The following PRPSAP1 variants were observed in gnomAD, a reference collection of about 807,000 sequenced individuals.
PRPSAP1 encodes the protein phosphoribosyl pyrophosphate synthetase associated protein 1.
Under a neutral mutation model 39.4 loss-of-function variants are expected in PRPSAP1, and 31 were observed. The ratio of observed to expected loss-of-function variants is 0.79; its 90% CI spans 0.59 to 1.06. The LOEUF is 1.06. Ranked by LOEUF, PRPSAP1 falls within the 50% of genes least tolerant of loss-of-function variation. The pLI is 0.00. For missense variants in PRPSAP1, 430 were observed against 511.6 expected, an observed-to-expected ratio of 0.84 and a Z score of 1.54; for synonymous variants, 212 against 192.6, an observed-to-expected ratio of 1.10 and a Z score of -0.83.
upstream of PRPSAP1, chr17:76,354,132 A>C (rs976535850): frequency 1.0e-6 from 1 of 1,000,800 alleles, no homozygotes; most frequent in East Asian, 1.1e-4. Flanking sequence ...TAGTGGCCCC[A>C]GGTGTTTCCA....
At chr17:76,337,221 C>T (rs2071388636) in intron 3 of PRPSAP1, 1 of 152,062 alleles carries the variant, frequency 6.6e-6, no homozygotes, top group Admixed American at 6.6e-5. Flanking sequence ...CCCAGACAAC[C>T]AACTACTTTT....
At chr17:76,321,705 C>A (rs1298006143) in intron 7 of PRPSAP1, among the ~76,000 whole-genome samples, 4 of 152,094 alleles carry the variant, frequency 2.6e-5, no homozygotes, top group African/African-American at 9.7e-5. Flanking sequence ...AGCCCCATGT[C>A]TCTTACTTTA....
At chr17:76,317,849 T>C (rs184634712) in intron 7 of PRPSAP1, among the ~76,000 whole-genome samples, 1 of 152,220 alleles carries the variant, frequency 6.6e-6, no homozygotes, top group Admixed American at 6.5e-5. Flanking sequence ...GTTTGTTAGA[T>C]GCCCTTGCCC....
chr17:76,351,556 G>A (rs991594656), intron 1 of PRPSAP1, among the ~76,000 whole-genome samples: 3 of 151,830 alleles, frequency 2.0e-5, no homozygotes, highest in Admixed American at 6.6e-5. Flanking sequence ...GTGTGGTGTC[G>A]GGCATCTGTG....
At chr17:76,354,080 C>T (rs755021101), upstream of PRPSAP1, 19 of 1,044,112 alleles carry the variant, frequency 1.8e-5, no homozygotes, top group Non-Finnish European at 2.1e-5. Flanking sequence ...TCCACGGGAG[C>T]TCTTTCGGTC....
At chr17:76,332,893 T>TA (rs1174005492) in intron 3 of PRPSAP1, among the ~76,000 whole-genome samples, 1 of 133,322 alleles carries the variant, frequency 7.5e-6, no homozygotes, top group Non-Finnish European at 1.6e-5. Context: ...TGGAATATAA[T>TA]TTTTTTTTTT....
At chr17:76,330,502 A>C (rs756126737) in intron 5 of PRPSAP1, 49 bp downstream of exon 5, 1 of 1,390,484 alleles carries the variant, frequency 7.2e-7, no homozygotes, top group Non-Finnish European at 1.0e-6. Flanking sequence ...AGAAAAACTA[A>C]ATAAGATCTC....
intron 7 of PRPSAP1, among the ~76,000 whole-genome samples, chr17:76,318,187 T>C (rs925998405): frequency 1.3e-5 from 2 of 152,150 alleles, no homozygotes; most frequent in Non-Finnish European, 2.9e-5. Context: ...CGGTGGCTCA[T>C]GCCTGTAATT....
rs570163906 is a variant in PRPSAP1, at chr17:76,330,316, T to G, written c.580-218A>C. 1.1e-4 allele frequency: 68 copies of G among 602,200 alleles called. 1 individual carries two copies. Among genetic ancestry groups the G allele is most frequent in the African/African-American group, 1.1e-3 (58 of 53,816 alleles). The allele number at this position is 602,200 out of a possible 1,614,324, so 37.3% of individuals were successfully genotyped here. A position where few individuals can be genotyped will look rare whatever the true frequency, so the allele number is the denominator to read the frequency against. Reference sequence around the variant, plus strand: ...TTTTTAAAAATAATTCTTAAAACATTCATTTTAGAAAACATAAGCAAATTG... The same window carrying G: ...TTTTTAAAAATAATTCTTAAAACATGCATTTTAGAAAACATAAGCAAATTG... On this transcript the variant is annotated intron_variant, in intron 5 of 9. Transcript: ENST00000446526.
At chr17:76,330,259 ATCACTGG>A in intron 5 of PRPSAP1, 161 bp from the exon 6 acceptor site, 1 of 645,854 alleles carries the variant, frequency 1.5e-6, no homozygotes, top group Admixed American at 3.0e-5. Context: ...ATCAATTAAC[ATCACTGG>A]AAAAAGCACT....
rs977279762 is a variant in PRPSAP1 at position 76,353,831 on chromosome 17, G to C, written c.-128C>G. The C allele has an allele frequency of 1.4e-6, 2 of 1,380,978 alleles. No individual in the cohort carries two copies. Among genetic ancestry groups the C allele is most frequent in the Non-Finnish European group, 1.9e-6 (2 of 1,075,620 alleles). The allele number at this position is 1,380,978 out of a possible 1,614,324, so 85.5% of individuals were successfully genotyped here. A position where few individuals can be genotyped will look rare whatever the true frequency, so the allele number is the denominator to read the frequency against. ...TCGGCGCAAGCGGGGAGAGCTCCGA[G>C]GTCCGTGCCCTTGCGCACCCCACAC... On this transcript the variant is annotated 5_prime_UTR_variant, in exon 1 of 10. Coordinates refer to ENST00000446526, the MANE Select transcript of PRPSAP1 (RefSeq NM_002766.3).
chr17:76,331,637 G>A (rs1197354943), intron 4 of PRPSAP1, among the ~76,000 whole-genome samples: 1 of 152,132 alleles, frequency 6.6e-6, no homozygotes, highest in Non-Finnish European at 1.5e-5. Flanking sequence ...GAGGAGCCGG[G>A]GAAGCGGGAG....
At chr17:76,319,962 A>G (rs1468791717) in intron 7 of PRPSAP1, among the ~76,000 whole-genome samples, 6 of 151,928 alleles carry the variant, frequency 3.9e-5, no homozygotes. Flanking sequence ...CAAATATGAG[A>G]CAAACTGAGC....
At chr17:76,350,445 A>G (rs2071556597) in intron 1 of PRPSAP1, among the ~76,000 whole-genome samples, 1 of 152,084 alleles carries the variant, frequency 6.6e-6, no homozygotes, top group African/African-American at 2.4e-5. Flanking sequence ...TCTCAAAAAA[A>G]AAAAAAGAAT....
At chr17:76,337,298 CA>C (rs2071389517) in intron 3 of PRPSAP1, 1 of 152,258 alleles carries the variant, frequency 6.6e-6, no homozygotes, top group Non-Finnish European at 1.5e-5. Flanking sequence ...TTTGGACAGG[CA>C]AAAACTAACC....
chr17:76,332,344 A>C lies in PRPSAP1; in HGVS notation c.382T>G (p.Phe128Val). 9 of 1,614,232 alleles carry C rather than the reference A, an allele frequency of 5.6e-6. No individual in the cohort carries two copies. The highest frequency in any genetic ancestry group is 1.1e-5 in the South Asian group (1 of 91,088). ...ARNIIGVIPYFPYSKQSKMRK... is the reference protein window; with the variant it reads ...ARNIIGVIPYVPYSKQSKMRK... ...ATCTTGCTCTGCTTGCTGTAGGGGA[A>C]GTAGGGGATGACCCCAATAATGTTC... The change falls in exon 4 of 10, where the codon TTC becomes GTC. Residue 128 changes from phenylalanine to valine, a missense_variant. Transcript: ENST00000446526.
At chr17:76,339,891 G>A (rs1469584334) in intron 3 of PRPSAP1, among the ~76,000 whole-genome samples, 1 of 151,660 alleles carries the variant, frequency 6.6e-6, no homozygotes, top group Admixed American at 6.6e-5. Context: ...AAGCACCTCG[G>A]GAGGCCGGGG....
At chr17:76,332,475 G>C in intron 3 of PRPSAP1, 40 bp from the exon 4 acceptor site, 1 of 1,606,690 alleles carries the variant, frequency 6.2e-7, no homozygotes, top group South Asian at 1.1e-5. Flanking sequence ...TTAATTCCAT[G>C]TATCAACCCT....
intron 3 of PRPSAP1, among the ~76,000 whole-genome samples, chr17:76,334,761 C>A (rs571699164): frequency 1.4e-4 from 21 of 152,296 alleles, no homozygotes; most frequent in African/African-American, 5.1e-4. Flanking sequence ...TTTTTTCTCT[C>A]AATAAATTGG....
Sources: gnomAD v4.1 joint callset for allele counts (sites outside exome capture counted in the v4.1 genomes callset) on GRCh38, gnomAD v4.1.1 for gene constraint, MANE v1.5 for transcripts, NCBI Gene and HGNC (gene_info 2026-07-23, HGNC 2026-07-21) for gene names.